Variants in CLUL1 observed in about 807,000 individuals in gnomAD.
CLUL1 encodes the protein clusterin like 1.
CLUL1 carries 43 observed loss-of-function variants against 49.4 expected under a neutral mutation model. The ratio of observed to expected loss-of-function variants is 0.87; its 90% CI spans 0.68 to 1.12. The LOEUF is 1.12. Ranked by LOEUF, CLUL1 falls within the 50% of genes most tolerant of loss-of-function variation. CLUL1 has a pLI of 0.00. For synonymous variants in CLUL1, 192 were observed against 184.9 expected, an observed-to-expected ratio of 1.04 and a Z score of -0.31; for missense variants, 486 against 544.4, an observed-to-expected ratio of 0.89 and a Z score of 1.07.
intron 8 of CLUL1, among the ~76,000 whole-genome samples, chr18:644,343 GT>G: frequency 6.6e-6 from 1 of 152,332 alleles, no homozygotes; most frequent in East Asian, 1.9e-4. Context: ...TTCATTAAGA[GT>G]AACATAAATT....
In CLUL1 at chr18:618,174, G is replaced by A; in HGVS notation, c.106+68G>A. The A allele has an allele frequency of 8.5e-7, 1 of 1,176,128 alleles. No homozygotes were observed. The highest frequency in any genetic ancestry group is 1.3e-5 in the South Asian group (1 of 79,852). 72.9% of individuals were successfully genotyped at this position (1,176,128 alleles called of 1,614,324 possible). ...TGGTTGTCCTGCTGGCGTTTATAGT[G>A]AGTCGCAGTTGAGAGATAACCATAT... On this transcript the variant is annotated intron_variant, in intron 3 of 9. Coordinates refer to ENST00000692774, the MANE Select transcript of CLUL1 (RefSeq NM_001393344.1). The surrounding 1 kb of genome is among the most constrained non-coding windows in gnomAD (Gnocchi z 4.2).
chr18:636,315 A>G (rs887333830), intron 7 of CLUL1, among the ~76,000 whole-genome samples: 5 of 152,212 alleles, frequency 3.3e-5, no homozygotes, highest in Admixed American at 1.3e-4. Flanking sequence ...CATATATGAT[A>G]TTAAAAATTA....
chr18:616,141 T>C (rs2073282501), intron 2 of CLUL1, among the ~76,000 whole-genome samples: 1 of 152,234 alleles, frequency 6.6e-6, no homozygotes, highest in South Asian at 2.1e-4. Context: ...AAGTTGTTTT[T>C]AAATGAATCA....
intron 5 of CLUL1, among the ~76,000 whole-genome samples, chr18:625,518 AACACACACACACACACACACAC>A (rs3221054): frequency 9.0e-5 from 13 of 144,630 alleles, no homozygotes; most frequent in Non-Finnish European, 1.4e-4. Flanking sequence ...CCTTATGCAT[AACACACACACACACACACACAC>A]ACACACACAC....
intron 7 of CLUL1, among the ~76,000 whole-genome samples, chr18:635,415 TC>T (rs1190695569): frequency 6.6e-6 from 1 of 152,150 alleles, no homozygotes; most frequent in Non-Finnish European, 1.5e-5. Flanking sequence ...GCCGCTCACC[TC>T]CTGCTGTACA....
intron 1 of CLUL1, among the ~76,000 whole-genome samples, chr18:601,515 A>T (rs530865): frequency 0.4 from 60,830 of 151,922 alleles, 12,781 homozygotes; most frequent in Middle Eastern, 0.63. Context: ...TGCGTGGTGA[A>T]GTGTGCCTGT....
chr18:627,686 A>AGCTTGC, intron 6 of CLUL1, 157 bp downstream of exon 6: 2 of 601,660 alleles, frequency 3.3e-6, no homozygotes, highest in Non-Finnish European at 5.8e-6. Flanking sequence ...AGAAGCTTTG[A>AGCTTGC]AGTCTGCTAA....
chr18:611,214 C>A (rs1444892794), intron 2 of CLUL1, among the ~76,000 whole-genome samples: 2 of 143,176 alleles, frequency 1.4e-5, no homozygotes, highest in African/African-American at 5.2e-5. Context: ...GGAGCACCTA[C>A]AAGATAACCC....
At chr18:634,425 C>A (rs770926727) in intron 7 of CLUL1, among the ~76,000 whole-genome samples, 1 of 152,162 alleles carries the variant, frequency 6.6e-6, no homozygotes, top group Non-Finnish European at 1.5e-5. Context: ...AACCACCGTG[C>A]CTGGCCTGGT....
chr18:642,263 T>C (rs11081227), intron 8 of CLUL1, among the ~76,000 whole-genome samples: 21,033 of 151,974 alleles, frequency 0.14, 1,728 homozygotes, highest in East Asian at 0.26. Flanking sequence ...AAACCCCGTC[T>C]CTACCAAAAA....
intron 5 of CLUL1, among the ~76,000 whole-genome samples, 175 bp from the exon 6 acceptor site, chr18:626,922 A>G (rs1301775663): frequency 2.0e-3 from 4 of 1,984 alleles, no homozygotes; most frequent in African/African-American, 2.5e-3. Flanking sequence ...AAAGAAAGAA[A>G]GAAAGAAGGA....
chr18:646,335 CTT>C (rs796695810), intron 9 of CLUL1, among the ~76,000 whole-genome samples: 1 of 144,930 alleles, frequency 6.9e-6, no homozygotes. Flanking sequence ...TTTTGGAGGC[CTT>C]TTTTTTTTTC....
Position 647,350 on chromosome 18 carries a change from T to C in CLUL1, c.1397+2253T>C, listed in dbSNP as rs1335647208. The stretch of plus-strand genomic sequence containing the variant: ...CCTGTGCCAGGGTACCTGCCCTCTG[T>C]GAGTTTGAGTTCTTTCTTTGGTTGC... On this transcript the variant is annotated intron_variant, in intron 9 of 9. Transcript: ENST00000692774. Among the ~76,000 whole-genome samples the C allele has an allele frequency of 2.0e-5, 3 of 152,252 alleles. No homozygotes were observed. In the East Asian group the frequency reaches 5.8e-4, roughly 29 times the overall value.
At chr18:601,301 A>G (rs1034882271) in intron 1 of CLUL1, among the ~76,000 whole-genome samples, 1 of 152,160 alleles carries the variant, frequency 6.6e-6, no homozygotes, top group Non-Finnish European at 1.5e-5. Flanking sequence ...GATGATCAAA[A>G]TGAACCTTTC....
At chr18:621,251 T>C (rs1298308766) in intron 4 of CLUL1, among the ~76,000 whole-genome samples, 1 of 152,168 alleles carries the variant, frequency 6.6e-6, no homozygotes, top group African/African-American at 2.4e-5. Context: ...TCTATAAAGT[T>C]GGGGGCCACT....
At chr18:643,679 A>G (rs1234319302) in intron 8 of CLUL1, among the ~76,000 whole-genome samples, 2 of 152,212 alleles carry the variant, frequency 1.3e-5, no homozygotes, top group Non-Finnish European at 2.9e-5. Flanking sequence ...CCTCCACATA[A>G]AATAAAATTA....
chr18:607,689 A>C (rs567697976), intron 2 of CLUL1, among the ~76,000 whole-genome samples: 1 of 152,242 alleles, frequency 6.6e-6, no homozygotes, highest in East Asian at 1.9e-4. Context: ...TGGCGTCCCA[A>C]AGTGCTGGGA....
chr18:646,989 A>G (rs530124331), intron 9 of CLUL1, among the ~76,000 whole-genome samples: 67 of 151,896 alleles, frequency 4.4e-4, no homozygotes, highest in Admixed American at 1.1e-3. Context: ...GACCTCAAGT[A>G]ATCCACCCAC....
intron 5 of CLUL1, among the ~76,000 whole-genome samples, chr18:625,518 AACACACACACACACACACACACAC>A (rs3221054): frequency 1.4e-5 from 2 of 144,632 alleles, no homozygotes; most frequent in African/African-American, 5.2e-5. Flanking sequence ...CCTTATGCAT[AACACACACACACACACACACACAC>A]ACACACACAC....
Sources: gnomAD v4.1 joint callset for allele counts (sites outside exome capture counted in the v4.1 genomes callset) on GRCh38, gnomAD v4.1.1 for gene constraint, Gnocchi (gnomAD v3.1) non-coding constraint, MANE v1.5 for transcripts, NCBI Gene and HGNC (gene_info 2026-07-23, HGNC 2026-07-21) for gene names.